The following ALDH1A2 variants were observed in gnomAD, a reference collection of about 807,000 sequenced individuals.
The protein encoded by ALDH1A2 is aldehyde dehydrogenase 1 family member A2, also known as retinal dehydrogenase 2.
A neutral mutation model predicts 60.3 loss-of-function variants in ALDH1A2; 27 were observed. That is an observed-to-expected ratio of 0.45 (90% CI 0.33 to 0.62). ALDH1A2 has a LOEUF of 0.62. Ranked by LOEUF, ALDH1A2 falls within the 20% of genes least tolerant of loss-of-function variation. The pLI is 0.02. For missense variants in ALDH1A2, 581 were observed against 643.8 expected, an observed-to-expected ratio of 0.90 and a Z score of 1.06; for synonymous variants, 289 against 232.4, an observed-to-expected ratio of 1.24 and a Z score of -2.21.
chr15:57,978,819 C>T (rs1367327437), intron 7 of ALDH1A2, among the ~76,000 whole-genome samples: 3 of 152,078 alleles, frequency 2.0e-5, no homozygotes, highest in Non-Finnish European at 4.4e-5. Context: ...CGTGGATTAC[C>T]TGAGGCCAGG....
At chr15:58,047,042 T>A (rs1191815979) in intron 1 of ALDH1A2, among the ~76,000 whole-genome samples, 1 of 152,042 alleles carries the variant, frequency 6.6e-6, no homozygotes, top group Non-Finnish European at 1.5e-5. Flanking sequence ...AAACTAGGCT[T>A]ATCGCACTTG....
At chr15:57,980,512 G>A (rs755477840) in intron 7 of ALDH1A2, 2 of 272,628 alleles carry the variant, frequency 7.3e-6, no homozygotes, top group Non-Finnish European at 1.6e-5. Flanking sequence ...CAGGCTCAAT[G>A]GAGATGCAGG....
chr15:57,978,006 G>A (rs1044025069), intron 7 of ALDH1A2, among the ~76,000 whole-genome samples: 1 of 152,036 alleles, frequency 6.6e-6, no homozygotes, highest in Non-Finnish European at 1.5e-5. Context: ...TCTATTATTG[G>A]TGTATAGGAA....
intron 7 of ALDH1A2, among the ~76,000 whole-genome samples, chr15:57,987,169 T>A (rs1894732079): frequency 1.3e-5 from 2 of 150,794 alleles, no homozygotes. Context: ...ATGCTGGAAA[T>A]AAAAGAGTCC....
In ALDH1A2 at chr15:57,963,874, G is replaced by T. The variant is rs769945737; in HGVS notation, c.1086+11C>A. The T allele has an allele frequency of 1.9e-6, 3 of 1,613,920 alleles. No homozygotes were observed. The highest frequency in any genetic ancestry group is 2.5e-6 in the Non-Finnish European group (3 of 1,179,938). ...TTAAGTAAACAAAGGGAATGGTTATGATTTTTCTACCTGGGGACCCTGCTC... is the reference window on the plus strand; with the variant it reads ...TTAAGTAAACAAAGGGAATGGTTATTATTTTTCTACCTGGGGACCCTGCTC... On this transcript the variant is annotated intron_variant, in intron 9 of 12. Coordinates refer to ENST00000249750, the MANE Select transcript of ALDH1A2 (RefSeq NM_003888.4).
chr15:58,057,442 GAGAA>G (rs1292018816), intron 1 of ALDH1A2, among the ~76,000 whole-genome samples: 1 of 152,226 alleles, frequency 6.6e-6, no homozygotes, highest in South Asian at 2.1e-4. Context: ...GGCAAAGGAA[GAGAA>G]AGAAAGAAAT....
chr15:57,983,815 A>G (rs151027486), intron 7 of ALDH1A2, among the ~76,000 whole-genome samples: 64 of 152,304 alleles, frequency 4.2e-4, no homozygotes, highest in African/African-American at 1.5e-3. Context: ...CCTCTCCAAG[A>G]TCTATAAGTG....
intron 6 of ALDH1A2, 58 bp downstream of exon 6, chr15:57,992,887 C>T: frequency 6.2e-7 from 1 of 1,613,790 alleles, no homozygotes; most frequent in Non-Finnish European, 8.5e-7. Context: ...GAGATATGCT[C>T]TAGTAGGCTC....
rs1595634278 is a variant in ALDH1A2, at chr15:57,980,476, C to G, written c.798+12229G>C. Reference sequence around the variant, plus strand: ...TGTTCATGAGTATGCATAAGATAATCCCGTCCTTCAGGCTCTTCTGGAAGT... The same window carrying G: ...TGTTCATGAGTATGCATAAGATAATGCCGTCCTTCAGGCTCTTCTGGAAGT... On this transcript the variant is annotated intron_variant, in intron 7 of 12. Transcript: ENST00000249750. The G allele has an allele frequency of 1.0e-5, 3 of 288,110 alleles. No individual in the cohort carries two copies. In the East Asian group the frequency reaches 2.8e-4, roughly 27 times the overall value. The allele number at this position is 288,110 out of a possible 1,614,324, so 17.8% of individuals were successfully genotyped here.
intron 1 of ALDH1A2, among the ~76,000 whole-genome samples, chr15:58,043,274 C>T (rs1046529971): frequency 2.0e-5 from 3 of 151,912 alleles, no homozygotes; most frequent in African/African-American, 7.2e-5. Flanking sequence ...CTTTTCAATA[C>T]GGCACTTCAG....
chr15:57,999,920 T>C (rs1481818536), intron 4 of ALDH1A2, among the ~76,000 whole-genome samples: 4 of 151,646 alleles, frequency 2.6e-5, no homozygotes, highest in African/African-American at 7.3e-5. Flanking sequence ...GCAGGGACAA[T>C]AGATGGAGCT....
chr15:57,997,753 A>C (rs1895114110), intron 4 of ALDH1A2, among the ~76,000 whole-genome samples: 1 of 151,958 alleles, frequency 6.6e-6, no homozygotes, highest in Admixed American at 6.6e-5. Context: ...TTGACTCCAT[A>C]ATTGTGTCTC....
At chr15:58,041,961 A>T (rs1896528574) in intron 1 of ALDH1A2, among the ~76,000 whole-genome samples, 1 of 151,926 alleles carries the variant, frequency 6.6e-6, no homozygotes, top group Admixed American at 6.6e-5. Flanking sequence ...GTCTCTCAAA[A>T]TATCTTACCA....
Position 57,955,086 on chromosome 15 carries a change from T to C in ALDH1A2, c.*111A>G. 1.7e-6 allele frequency: 2 copies of C among 1,190,000 alleles called. No homozygotes were observed. The highest frequency in any genetic ancestry group is 2.5e-6 in the Non-Finnish European group (2 of 793,650). 73.7% of individuals were successfully genotyped at this position (1,190,000 alleles called of 1,614,324 possible). A position where few individuals can be genotyped will look rare whatever the true frequency, so the allele number is the denominator to read the frequency against. Reference sequence around the variant, plus strand: ...CCTGGCCTACATGTTATCTTTTCAATCTTTAAGTAAGGACCGTGGCTCAAC... The same window carrying C: ...CCTGGCCTACATGTTATCTTTTCAACCTTTAAGTAAGGACCGTGGCTCAAC... On this transcript the variant is annotated 3_prime_UTR_variant, in exon 13 of 13. Coordinates refer to ENST00000249750, the MANE Select transcript of ALDH1A2 (RefSeq NM_003888.4).
intron 1 of ALDH1A2, among the ~76,000 whole-genome samples, chr15:58,032,284 T>C (rs1230490512): frequency 1.3e-5 from 2 of 151,856 alleles, no homozygotes; most frequent in East Asian, 1.9e-4. Context: ...ATGTTCTCAC[T>C]CATAGGTGGG....
intron 4 of ALDH1A2, among the ~76,000 whole-genome samples, chr15:57,998,603 A>G (rs1895146827): frequency 6.6e-6 from 1 of 152,148 alleles, no homozygotes; most frequent in Non-Finnish European, 1.5e-5. Flanking sequence ...GGAAGAATCA[A>G]TACCATGAAA....
At chr15:57,980,044 A>T in intron 7 of ALDH1A2, 1 of 326,122 alleles carries the variant, frequency 3.1e-6, no homozygotes, top group Non-Finnish European at 6.3e-6. Context: ...CGAGTGGTCC[A>T]TGGGGGGGCA....
chr15:58,034,415 T>C (rs1439688849), intron 1 of ALDH1A2, among the ~76,000 whole-genome samples: 1 of 151,666 alleles, frequency 6.6e-6, no homozygotes, highest in African/African-American at 2.4e-5. Flanking sequence ...GAAAATTATG[T>C]TATCTGTGAA....
intron 1 of ALDH1A2, among the ~76,000 whole-genome samples, chr15:58,037,375 G>A (rs1896401838): frequency 6.6e-6 from 1 of 151,578 alleles, no homozygotes; most frequent in Non-Finnish European, 1.5e-5. Context: ...GAAACAGGAA[G>A]AAGAGACTTT....
Sources: gnomAD v4.1 joint callset for allele counts (sites outside exome capture counted in the v4.1 genomes callset) on GRCh38, gnomAD v4.1.1 for gene constraint, MANE v1.5 for transcripts, NCBI Gene and HGNC (gene_info 2026-07-23, HGNC 2026-07-21) for gene names.